Variants in APP observed in about 807,000 individuals in gnomAD.
APP encodes the protein amyloid beta precursor protein, also known as amyloid-beta precursor protein.
Under a neutral mutation model 101.4 loss-of-function variants are expected in APP, and 31 were observed. The ratio of observed to expected loss-of-function variants is 0.31; its 90% confidence interval spans 0.23 to 0.41. APP has a LOEUF of 0.41. Among genes scored for constraint, APP ranks in the 10% least tolerant of loss-of-function variants. APP has a pLI of 1.00. For synonymous variants in APP, 366 were observed against 364.4 expected (o/e 1.00, Z -0.05); for missense variants, 839 against 1,003.7 (o/e 0.84, Z 2.22).
intron 2 of APP, among the ~76,000 whole-genome samples, chr21:26,106,365 A>G (rs1349460159): frequency 2.0e-5 from 3 of 152,196 alleles, no homozygotes; most frequent in African/African-American, 7.2e-5. Flanking sequence ...AATATTCTCC[A>G]TATATAAAAT....
At chr21:25,952,810 T>C (rs868378081) in intron 13 of APP, among the ~76,000 whole-genome samples, 1 of 152,232 alleles carries the variant, frequency 6.6e-6, no homozygotes, top group Non-Finnish European at 1.5e-5. Context: ...TTAAGACTGA[T>C]AAATTATTTC....
At chr21:25,958,121 G>T (rs1601025695) in intron 11 of APP, among the ~76,000 whole-genome samples, 2 of 152,070 alleles carry the variant, frequency 1.3e-5, no homozygotes, top group Admixed American at 1.3e-4. Context: ...CAACAAGCAG[G>T]TACACCAGGA....
chr21:26,150,111 A>C (rs1211362144), intron 1 of APP, among the ~76,000 whole-genome samples: 2 of 152,140 alleles, frequency 1.3e-5, no homozygotes, highest in African/African-American at 4.8e-5. Flanking sequence ...GAGAGGAGGG[A>C]GCTCCACAGA....
chr21:25,905,046 G>C lies in APP; in HGVS notation c.1941C>G (p.Asp647Glu). ...VEPVDARPAA[D>E]RGLTTRPGSG... ...TACCTGGTCGAGTGGTCAGTCCTCGGTCGGCAGCAGGGCGGGCATCAACAG... is the reference window on the plus strand; with the variant it reads ...TACCTGGTCGAGTGGTCAGTCCTCGCTCGGCAGCAGGGCGGGCATCAACAG... Residue 647 changes from aspartate (D) to glutamate (E), a missense_variant, in exon 15 of 18, where the codon GAC becomes GAG. Physicochemically the swap from Asp to Glu is conservative, Grantham distance 45. Transcript: ENST00000346798. 1 of 1,613,962 alleles carries C rather than the reference G, an allele frequency of 6.2e-7. No individual in the cohort carries two copies. Among genetic ancestry groups the C allele is most frequent in the Non-Finnish European group, 8.5e-7 (1 of 1,179,960 alleles).
intron 11 of APP, among the ~76,000 whole-genome samples, chr21:25,960,020 C>T (rs895302103): frequency 3.3e-5 from 5 of 152,158 alleles, no homozygotes; most frequent in Admixed American, 2.0e-4. Flanking sequence ...AGCCCAATAA[C>T]GAGATGCAGA....
Position 25,911,875 on chromosome 21 carries a change from G to C in APP, c.1775C>G (p.Ala592Gly). 6.2e-7 allele frequency: 1 copy of C among 1,614,166 alleles called. No individual in the cohort carries two copies. ...SEPRISYGND[A>G]LMPSLTETKT... is the part of the protein sequence containing the mutation. ...CGTTTCGGTCAAAGATGGCATGAGAGCATCGTTTCCGTAACTGATCCTTGG... is the reference window on the plus strand; with the variant it reads ...CGTTTCGGTCAAAGATGGCATGAGACCATCGTTTCCGTAACTGATCCTTGG... Residue 592 changes from alanine to glycine, a missense_variant, in exon 14 of 18, where the codon GCT becomes GGT. Coordinates refer to ENST00000346798, the MANE Select transcript of APP (RefSeq NM_000484.4).
Position 26,108,730 on chromosome 21 carries a change from A to T in APP, c.225+3249T>A, listed in dbSNP as rs555438486. 2.2e-3 allele frequency among the ~76,000 whole-genome samples: 331 copies of T among 152,010 alleles called. 1 individual carries two copies. The highest frequency in any genetic ancestry group is 7.4e-3 in the African/African-American group (305 of 41,454). ...GTGAAACCCTGTCTCTACTAAAAAT[A>T]AAAAAAATCCCGGCGTGGTGGCAGG... On this transcript the variant is annotated intron_variant, in intron 2 of 17. Coordinates refer to ENST00000346798, the MANE Select transcript of APP (RefSeq NM_000484.4).
chr21:26,031,277 G>A (rs190652966), intron 5 of APP, among the ~76,000 whole-genome samples: 13 of 152,320 alleles, frequency 8.5e-5, no homozygotes, highest in Admixed American at 7.8e-4. Flanking sequence ...AAGTCACAAA[G>A]TAAGAGAAAA....
intron 6 of APP, among the ~76,000 whole-genome samples, chr21:26,020,848 A>G (rs1383337661): frequency 1.3e-5 from 2 of 152,166 alleles, no homozygotes; most frequent in Admixed American, 6.5e-5. Context: ...TTTCATGGAG[A>G]CAAGTATGAC....
intron 1 of APP, among the ~76,000 whole-genome samples, chr21:26,168,460 A>C (rs563421763): frequency 1.6e-4 from 25 of 152,368 alleles, no homozygotes; most frequent in Non-Finnish European, 5.9e-5. Context: ...AGGAGTTAAC[A>C]ATAGCTACTG....
chr21:26,018,044 T>A (rs2044180714), intron 6 of APP, among the ~76,000 whole-genome samples: 1 of 152,220 alleles, frequency 6.6e-6, no homozygotes, highest in Admixed American at 6.5e-5. Context: ...TCTACTGGAA[T>A]CAGTGACAGA....
intron 11 of APP, among the ~76,000 whole-genome samples, chr21:25,973,875 AG>A (rs987872006): frequency 6.7e-6 from 1 of 148,932 alleles, no homozygotes; most frequent in African/African-American, 2.5e-5. Flanking sequence ...AGGAGACAGA[AG>A]TTGCAGTGAG....
At chr21:26,057,059 C>T (rs1445954005) in intron 3 of APP, among the ~76,000 whole-genome samples, 1 of 152,162 alleles carries the variant, frequency 6.6e-6, no homozygotes, top group Non-Finnish European at 1.5e-5. Flanking sequence ...TTTGCTAGGA[C>T]AGCAGTTACA....
chr21:25,891,045 A>C (rs1351662318), intron 17 of APP, among the ~76,000 whole-genome samples: 2 of 152,206 alleles, frequency 1.3e-5, no homozygotes, highest in Non-Finnish European at 2.9e-5. Context: ...TCCAAATGGC[A>C]TTTCAAATGC....
intron 5 of APP, among the ~76,000 whole-genome samples, chr21:26,049,921 C>T (rs1045682815): frequency 2.0e-5 from 3 of 152,104 alleles, no homozygotes; most frequent in Non-Finnish European, 4.4e-5. Context: ...TGTTCAGGTA[C>T]TGAAATGGGA....
At chr21:26,125,887 A>G (rs548152628) in intron 1 of APP, among the ~76,000 whole-genome samples, 2 of 152,290 alleles carry the variant, frequency 1.3e-5, no homozygotes, top group African/African-American at 4.8e-5. Context: ...TGCCTATGTG[A>G]CCTGGGGAAA....
chr21:26,018,082 A>G (rs1481814612), intron 6 of APP, among the ~76,000 whole-genome samples: 2 of 152,216 alleles, frequency 1.3e-5, no homozygotes, highest in Non-Finnish European at 2.9e-5. Context: ...TTTGGGTATC[A>G]TCGATTCTAA....
chr21:26,147,169 T>C (rs1336576437), intron 1 of APP, among the ~76,000 whole-genome samples: 7 of 152,196 alleles, frequency 4.6e-5, no homozygotes, highest in African/African-American at 1.4e-4. Flanking sequence ...AATAATTGTA[T>C]TAATTTTCCT....
chr21:26,044,530 A>C (rs1242769323), intron 5 of APP, among the ~76,000 whole-genome samples: 3 of 151,946 alleles, frequency 2.0e-5, no homozygotes, highest in Non-Finnish European at 2.9e-5. Flanking sequence ...TGAGCAATGT[A>C]TTTCTTTCTT....
Sources: gnomAD v4.1 joint callset for allele counts (sites outside exome capture counted in the v4.1 genomes callset) on GRCh38, gnomAD v4.1.1 for gene constraint, MANE v1.5 for transcripts, NCBI Gene and HGNC (gene_info 2026-07-23, HGNC 2026-07-21) for gene names.